SEC63: variants seen among roughly 807,000 people sequenced by gnomAD.
SEC63 encodes SEC63 protein translocation regulator.
In SEC63, 56 loss-of-function variants were observed where a neutral mutation model predicts 116.2. That is an observed-to-expected ratio of 0.48 (90% confidence interval 0.39 to 0.60). SEC63 has a LOEUF of 0.60. SEC63 is among the 20% of genes least tolerant of loss of function. The pLI, the probability that SEC63 is intolerant of heterozygous loss-of-function variation, is 0.00. For missense variants in SEC63, 668 were observed against 900.0 expected (o/e 0.74, Z 3.30); for synonymous variants, 273 against 294.6 (o/e 0.93, Z 0.75).
chr6:107,953,068 T>C (rs1417444566), intron 1 of SEC63, among the ~76,000 whole-genome samples: 1 of 152,196 alleles, frequency 6.6e-6, no homozygotes, highest in Non-Finnish European at 1.5e-5. Context: ...GAGACCAGCC[T>C]GGCCAACATG....
chr6:107,875,181 A>AG (rs1242903768), intron 19 of SEC63, among the ~76,000 whole-genome samples: 2 of 152,140 alleles, frequency 1.3e-5, no homozygotes, highest in East Asian at 3.9e-4. Flanking sequence ...CTGGTTCTTA[A>AG]GGGATACATG....
chr6:107,918,540 T>C (rs900076743), intron 4 of SEC63, among the ~76,000 whole-genome samples: 1 of 151,562 alleles, frequency 6.6e-6, no homozygotes, highest in Non-Finnish European at 1.5e-5. Context: ...AAAAATACAA[T>C]AATTTGCCAG....
At position 107,868,129 on chromosome 6, in the gene SEC63, T is replaced by TGTC. The variant is rs10685655; in HGVS notation, c.*3574_*3575insGAC. 146,350 of 152,150 alleles carry TGTC rather than the reference T, an allele frequency of 0.96. 70,535 individuals carry two copies. Among genetic ancestry groups the TGTC allele is most frequent in the Middle Eastern group, 0.99 (291 of 294 alleles). 9.4% of individuals were successfully genotyped at this position (152,150 alleles called of 1,614,324 possible). On this transcript the variant is annotated 3_prime_UTR_variant, in exon 21 of 21. Coordinates refer to ENST00000369002, the MANE Select transcript of SEC63 (RefSeq NM_007214.5). ...ACTAATCACTACACAGCTGGCAAAA[T>TGTC]GTTATGGTTCACCAACAGTTATTTC...
At chr6:107,942,961 C>T (rs979910577) in intron 1 of SEC63, among the ~76,000 whole-genome samples, 2 of 152,072 alleles carry the variant, frequency 1.3e-5, no homozygotes, top group African/African-American at 4.8e-5. Flanking sequence ...TTTTCTTCTT[C>T]GGAGCACTTA....
intron 18 of SEC63, among the ~76,000 whole-genome samples, chr6:107,880,084 T>G (rs1786376881): frequency 1.3e-5 from 2 of 152,206 alleles, no homozygotes; most frequent in Non-Finnish European, 2.9e-5. Context: ...ACCTCTGCAA[T>G]GGGCACAATG....
rs150797650 is a variant in SEC63, at chr6:107,892,850, G to C, written c.1674+632C>G. ...AAAACCAAGTGTTGGTGAGTACGTA[G>C]AACAAGACTCTCACACGTAGGTAAG... On this transcript the variant is annotated intron_variant, in intron 16 of 20. Coordinates refer to ENST00000369002, the MANE Select transcript of SEC63 (RefSeq NM_007214.5). Among the ~76,000 whole-genome samples the C allele has an allele frequency of 3.6e-3, 555 of 152,230 alleles. 6 individuals carry two copies. Among genetic ancestry groups the C allele is most frequent in the African/African-American group, 0.013 (528 of 41,516 alleles).
At chr6:107,949,256 G>A (rs1363919965) in intron 1 of SEC63, among the ~76,000 whole-genome samples, 1 of 152,196 alleles carries the variant, frequency 6.6e-6, no homozygotes, top group Non-Finnish European at 1.5e-5. Flanking sequence ...ATATGTCAAA[G>A]TTAAACTGGT....
chr6:107,916,563 C>T (rs1190423387), intron 4 of SEC63, among the ~76,000 whole-genome samples: 1 of 152,216 alleles, frequency 6.6e-6, no homozygotes, highest in Admixed American at 6.5e-5. Flanking sequence ...TTGCACTTTG[C>T]AGATAATCGT....
At chr6:107,876,698 G>A (rs768505865) in intron 18 of SEC63, 36 bp from the exon 19 acceptor site, 5 of 1,166,276 alleles carry the variant, frequency 4.3e-6, no homozygotes, top group Non-Finnish European at 5.0e-6. Flanking sequence ...AAGAAGAGGG[G>A]TATAAATAAT....
At chr6:107,950,213 C>T (rs929716299) in intron 1 of SEC63, among the ~76,000 whole-genome samples, 1 of 152,068 alleles carries the variant, frequency 6.6e-6, no homozygotes, top group Non-Finnish European at 1.5e-5. Flanking sequence ...GTAAGAGGTT[C>T]AATACAGCAA....
intron 11 of SEC63, among the ~76,000 whole-genome samples, chr6:107,903,486 A>C (rs1019047015): frequency 3.9e-5 from 6 of 152,132 alleles, no homozygotes; most frequent in African/African-American, 7.2e-5. Flanking sequence ...GGATTGCTTA[A>C]AGCCAGGAGT....
In SEC63 at chr6:107,869,366, T is replaced by C. The variant is rs1210996781; in HGVS notation, c.*2338A>G. The C allele has an allele frequency of 6.6e-6, 1 of 152,204 alleles. No homozygotes were observed. The highest frequency in any genetic ancestry group is 1.5e-5 in the Non-Finnish European group (1 of 68,028). 9.4% of individuals were successfully genotyped at this position (152,204 alleles called of 1,614,324 possible). On this transcript the variant is annotated 3_prime_UTR_variant, in exon 21 of 21. Transcript: ENST00000369002. ...AAGTCTCCTCATGAACAGCTGTATT[T>C]TAATAGGTACTTTACCAATTAGAGA...
chr6:107,912,371 T>C (rs2114460137), intron 6 of SEC63, among the ~76,000 whole-genome samples: 1 of 152,166 alleles, frequency 6.6e-6, no homozygotes, highest in Non-Finnish European at 1.5e-5. Context: ...GGTCAGGAGT[T>C]TGAGAGTTCG....
chr6:107,906,493 G>A lies in SEC63; in HGVS notation c.916C>T (p.Leu306=), dbSNP rs2114449873. The change falls in exon 10 of 21, where the codon CTG becomes TTG. Residue 306 remains leucine (L), a synonymous_variant. Transcript: ENST00000369002. ...PYSLKARVLL[L]SHLARMKIPE... is the part of the protein sequence containing the mutation. Reference sequence around the variant, plus strand: ...ATTTTCATTCTAGCAAGATGAGACAGTAAAAGAACTCTGGCCTTCAGGCTA... The same window carrying A: ...ATTTTCATTCTAGCAAGATGAGACAATAAAAGAACTCTGGCCTTCAGGCTA... The A allele has an allele frequency of 6.2e-7, 1 of 1,614,062 alleles. No homozygotes were observed.
intron 3 of SEC63, among the ~76,000 whole-genome samples, chr6:107,924,067 A>G (rs542358217): frequency 5.9e-5 from 9 of 151,832 alleles, no homozygotes; most frequent in Admixed American, 5.2e-4. Context: ...GATTGAGACC[A>G]TCCTGGCTAA....
chr6:107,923,166 GAC>G (rs1405636535), intron 3 of SEC63, among the ~76,000 whole-genome samples: 2 of 151,150 alleles, frequency 1.3e-5, no homozygotes, highest in Admixed American at 1.3e-4. Context: ...TTTTTTTTGA[GAC>G]AGTCTTGCTC....
At position 107,877,664 on chromosome 6, in the gene SEC63, A is replaced by C. The variant is rs374199765; in HGVS notation, c.1936-1002T>G. The stretch of plus-strand genomic sequence containing the variant: ...TTTATGTTGCCCTGGCTGGTCTTGA[A>C]CTCCTGGGCTCAAGCGATCCTCCCA... On this transcript the variant is annotated intron_variant, in intron 18 of 20. Coordinates refer to ENST00000369002, the MANE Select transcript of SEC63 (RefSeq NM_007214.5). 2.9e-4 allele frequency among the ~76,000 whole-genome samples: 44 copies of C among 151,342 alleles called. No individual in the cohort carries two copies. The East Asian group carries it at 4.7e-3, about 16-fold the overall frequency.
At chr6:107,896,303 A>C (rs1461995358) in intron 14 of SEC63, among the ~76,000 whole-genome samples, 2 of 152,088 alleles carry the variant, frequency 1.3e-5, no homozygotes, top group Non-Finnish European at 2.9e-5. Flanking sequence ...ATCTCTACTA[A>C]AAATACAAAA....
At chr6:107,922,976 A>T (rs1220466430) in intron 3 of SEC63, among the ~76,000 whole-genome samples, 1 of 151,714 alleles carries the variant, frequency 6.6e-6, no homozygotes, top group Admixed American at 6.6e-5. Context: ...GACACAAATT[A>T]TCCAGGCCTC....
Sources: gnomAD v4.1 joint callset for allele counts (sites outside exome capture counted in the v4.1 genomes callset) on GRCh38, gnomAD v4.1.1 for gene constraint, MANE v1.5 for transcripts, NCBI Gene and HGNC (gene_info 2026-07-23, HGNC 2026-07-21) for gene names.